The following ZNF385B variants were observed in gnomAD, a reference collection of about 807,000 sequenced individuals.
ZNF385B encodes the protein zinc finger protein 533.
Under a neutral mutation model 39.2 loss-of-function variants are expected in ZNF385B, and 23 were observed. The observed-to-expected ratio is 0.59, with a 90% CI of 0.42 to 0.83. The LOEUF (loss-of-function observed/expected upper bound fraction) is 0.83. Among genes scored for constraint, ZNF385B ranks in the 40% least tolerant of loss-of-function variants. The probability of loss-of-function intolerance (pLI) is 0.00; values close to 1 mark genes in which losing one functional copy is unlikely to be tolerated. For synonymous variants in ZNF385B, 205 were observed against 222.6 expected (o/e 0.92, Z 0.70); for missense variants, 552 against 598.9 (o/e 0.92, Z 0.82).
At chr2:179,522,284 A>T (rs1204317790) in intron 4 of ZNF385B, among the ~76,000 whole-genome samples, 1 of 152,224 alleles carries the variant, frequency 6.6e-6, no homozygotes, top group East Asian at 1.9e-4. Context: ...GCATTAGTAC[A>T]ATGCTCTAAA....
chr2:179,595,714 C>G (rs1189129512), intron 3 of ZNF385B, among the ~76,000 whole-genome samples: 1 of 150,844 alleles, frequency 6.6e-6, no homozygotes, highest in African/African-American at 2.4e-5. Flanking sequence ...CAATCTTGAC[C>G]TCCTGGGCTC....
intron 3 of ZNF385B, among the ~76,000 whole-genome samples, chr2:179,664,284 T>C (rs1327457862): frequency 6.6e-6 from 1 of 152,176 alleles, no homozygotes; most frequent in Admixed American, 6.5e-5. Flanking sequence ...CTAAAATAAG[T>C]GTAAATTGTT....
intron 6 of ZNF385B, among the ~76,000 whole-genome samples, chr2:179,452,912 C>A (rs900018838): frequency 1.3e-5 from 2 of 152,056 alleles, no homozygotes; most frequent in African/African-American, 4.8e-5. Flanking sequence ...GGCTGTGATC[C>A]AGTAAAATTT....
chr2:179,662,556 C>T (rs983773238), intron 3 of ZNF385B, among the ~76,000 whole-genome samples: 5 of 152,044 alleles, frequency 3.3e-5, no homozygotes, highest in South Asian at 2.1e-4. Flanking sequence ...ACTGAGCATC[C>T]GGCTCTTTCT....
chr2:179,568,120 C>T (rs1208353350), intron 3 of ZNF385B, among the ~76,000 whole-genome samples: 1 of 152,158 alleles, frequency 6.6e-6, no homozygotes, highest in African/African-American at 2.4e-5. Flanking sequence ...GCCTCTCTTC[C>T]CCCAAGATCT....
chr2:179,696,326 C>CGTTTTTTTTTTTTT (rs1698741710), intron 3 of ZNF385B, among the ~76,000 whole-genome samples: 1 of 40,352 alleles, frequency 2.5e-5, no homozygotes, highest in Non-Finnish European at 4.1e-5. Flanking sequence ...CAAACTGGGA[C>CGTTTTTTTTTTTTT]TTTTTTTTTT....
intron 3 of ZNF385B, among the ~76,000 whole-genome samples, chr2:179,722,859 A>T (rs1371025775): frequency 1.3e-5 from 2 of 152,108 alleles, no homozygotes; most frequent in Non-Finnish European, 2.9e-5. Context: ...ACTACAAATA[A>T]TTTTTTTAAA....
At chr2:179,558,660 T>C (rs1002175169) in intron 3 of ZNF385B, among the ~76,000 whole-genome samples, 1 of 152,164 alleles carries the variant, frequency 6.6e-6, no homozygotes, top group African/African-American at 2.4e-5. Context: ...TAAAATCTGC[T>C]CTAAACCCTT....
intron 1 of ZNF385B, among the ~76,000 whole-genome samples, chr2:179,800,664 G>A (rs1311732616): frequency 6.6e-6 from 1 of 152,052 alleles, no homozygotes; most frequent in African/African-American, 2.4e-5. Flanking sequence ...AACACTCACT[G>A]GGGGAGGAAG....
intron 1 of ZNF385B, among the ~76,000 whole-genome samples, chr2:179,790,644 A>AC (rs1705269644): frequency 6.6e-6 from 1 of 152,196 alleles, no homozygotes; most frequent in African/African-American, 2.4e-5. Flanking sequence ...GAACAGGAGA[A>AC]CAGTACTACT....
chr2:179,823,036 C>T (rs988349799), intron 1 of ZNF385B, among the ~76,000 whole-genome samples: 18 of 152,066 alleles, frequency 1.2e-4, no homozygotes, highest in African/African-American at 4.1e-4. Flanking sequence ...GGGAGAAAAA[C>T]AGTAAGTGTT....
chr2:179,809,618 A>T (rs954915190), intron 1 of ZNF385B, among the ~76,000 whole-genome samples: 1 of 152,142 alleles, frequency 6.6e-6, no homozygotes, highest in Non-Finnish European at 1.5e-5. Context: ...CATAAGTATG[A>T]CATCTGGAAG....
chr2:179,827,452 C>A (rs1000854697), intron 1 of ZNF385B, among the ~76,000 whole-genome samples: 7 of 151,960 alleles, frequency 4.6e-5, no homozygotes, highest in Non-Finnish European at 1.0e-4. Flanking sequence ...AACACAAATA[C>A]CATTTTAATG....
chr2:179,769,429 T>C, intron 3 of ZNF385B, 74 bp downstream of exon 3: 1 of 1,581,444 alleles, frequency 6.3e-7, no homozygotes, highest in Admixed American at 1.7e-5. Context: ...TTAAGTCTTG[T>C]TCTAAATCCT....
At chr2:179,614,905 T>C (rs1453717068) in intron 3 of ZNF385B, among the ~76,000 whole-genome samples, 1 of 152,188 alleles carries the variant, frequency 6.6e-6, no homozygotes, top group Admixed American at 6.5e-5. Flanking sequence ...GTATAATTCA[T>C]AAAAACTGCC....
intron 4 of ZNF385B, among the ~76,000 whole-genome samples, chr2:179,535,408 A>G (rs565675437): frequency 6.6e-5 from 10 of 152,338 alleles, no homozygotes; most frequent in African/African-American, 2.2e-4. Flanking sequence ...TAAGTTCAAG[A>G]TATAGTATGG....
In ZNF385B at chr2:179,626,048, C is replaced by T. The variant is rs117037520; in HGVS notation, c.299-81079G>A. On this transcript the variant is annotated intron_variant, in intron 3 of 9. Coordinates refer to ENST00000410066, the MANE Select transcript of ZNF385B (RefSeq NM_152520.6). ...ATTTTCAGTAACTTTTCTTATTGTA[C>T]ATTTTAAAGCATCAATGTTTTAACA... Among the ~76,000 whole-genome samples, 51 of 152,154 alleles carry T rather than the reference C, an allele frequency of 3.4e-4. No individual in the cohort carries two copies. The East Asian group carries it at 9.6e-3, about 29-fold the overall frequency.
chr2:179,729,350 A>G (rs1013735055), intron 3 of ZNF385B, among the ~76,000 whole-genome samples: 1 of 152,184 alleles, frequency 6.6e-6, no homozygotes, highest in Non-Finnish European at 1.5e-5. Context: ...GACCCAATCT[A>G]GTAGTAAATT....
At chr2:179,836,508 G>GCTTT (rs1708253442) in intron 1 of ZNF385B, among the ~76,000 whole-genome samples, 1 of 106,004 alleles carries the variant, frequency 9.4e-6, no homozygotes, top group Admixed American at 1.1e-4. Context: ...AGGTTCTTGC[G>GCTTT]TTTTCTTTTT....
Sources: gnomAD v4.1 joint callset for allele counts (sites outside exome capture counted in the v4.1 genomes callset) on GRCh38, gnomAD v4.1.1 for gene constraint, MANE v1.5 for transcripts, NCBI Gene and HGNC (gene_info 2026-07-23, HGNC 2026-07-21) for gene names.